PTPN13: variants seen among roughly 807,000 people sequenced by gnomAD.
PTPN13 encodes protein tyrosine phosphatase non-receptor type 13.
In PTPN13, 191 loss-of-function variants were observed where a neutral mutation model predicts 284.0. The observed-to-expected ratio is 0.67, with a 90% CI of 0.60 to 0.76. The LOEUF (loss-of-function observed/expected upper bound fraction) is 0.76, where lower values mean the gene tolerates loss of function less well. Among genes scored for constraint, PTPN13 ranks in the 30% least tolerant of loss-of-function variants. The probability of loss-of-function intolerance (pLI) is 0.00; values close to 1 mark genes in which losing one functional copy is unlikely to be tolerated. For missense variants in PTPN13, 2,797 were observed against 2,939.9 expected, an observed-to-expected ratio of 0.95 and a Z score of 1.12; for synonymous variants, 986 against 1,022.3, an observed-to-expected ratio of 0.96 and a Z score of 0.68.
chr4:86,732,703 G>T lies in PTPN13; in HGVS notation c.1795G>T (p.Asp599Tyr), dbSNP rs61757790. The T allele has an allele frequency of 1.1e-3, 1,712 of 1,613,514 alleles. No homozygotes were observed. The highest frequency in any genetic ancestry group is 1.3e-3 in the Non-Finnish European group (1,589 of 1,179,702). Reference protein sequence around the residue: ...DTKTICKDVFDMVVAHIGLVE... With the variant: ...DTKTICKDVFYMVVAHIGLVE... ...CAAAACTATATGTAAAGATGTGTTT[G>T]ATATGGTTGTGGCACATATTGGCTT... Residue 599 changes from aspartate (D) to tyrosine (Y), a missense_variant, in exon 12 of 48, where the codon GAT (aspartate) becomes TAT (tyrosine). Physicochemically the swap from Asp to Tyr is radical, Grantham distance 160. Coordinates refer to ENST00000411767, the MANE Select transcript of PTPN13 (RefSeq NM_080683.3).
Position 86,764,569 on chromosome 4 carries a change from CTTTG to C in PTPN13, c.4018-16_4018-13del, listed in dbSNP as rs763797660. 40 of 1,382,656 alleles carry C rather than the reference CTTTG, an allele frequency of 2.9e-5. No individual in the cohort carries two copies. The highest frequency in any genetic ancestry group is 2.2e-4 in the South Asian group (13 of 58,810). The allele number at this position is 1,382,656 out of a possible 1,614,324, so 85.6% of individuals were successfully genotyped here. ...ATTCATTTTGACTCTAACAAGAAATCTTTGTTTGTTTTTCTTTGTTAAGGAATCT... is the reference window on the plus strand; with the variant it reads ...ATTCATTTTGACTCTAACAAGAAATCTTTGTTTTTCTTTGTTAAGGAATCT... On this transcript the variant is annotated intron_variant, in intron 24 of 47. Transcript: ENST00000411767.
At chr4:86,759,879 T>A (rs956777721) in intron 23 of PTPN13, among the ~76,000 whole-genome samples, 11 of 152,210 alleles carry the variant, frequency 7.2e-5, no homozygotes, top group Non-Finnish European at 2.9e-5. Context: ...GTCATTAATA[T>A]TGTTTTTCAA....
intron 39 of PTPN13, among the ~76,000 whole-genome samples, 166 bp downstream of exon 39, chr4:86,785,534 T>C (rs982191547): frequency 6.6e-6 from 1 of 152,162 alleles, no homozygotes; most frequent in Non-Finnish European, 1.5e-5. Context: ...TTTTTTATTT[T>C]CCATATTTGT....
chr4:86,718,231 A>G (rs1309507040), intron 9 of PTPN13, among the ~76,000 whole-genome samples: 1 of 152,130 alleles, frequency 6.6e-6, no homozygotes, highest in Non-Finnish European at 1.5e-5. Context: ...CTAATTCTGT[A>G]TTTCAGTTTG....
At chr4:86,789,752 G>A (rs555313998) in intron 40 of PTPN13, among the ~76,000 whole-genome samples, 1 of 151,924 alleles carries the variant, frequency 6.6e-6, no homozygotes, top group South Asian at 2.1e-4. Flanking sequence ...ACAAGAAACT[G>A]AAGGCCAATC....
intron 15 of PTPN13, among the ~76,000 whole-genome samples, chr4:86,740,049 C>A (rs1735993325): frequency 6.6e-6 from 1 of 152,202 alleles, no homozygotes; most frequent in African/African-American, 2.4e-5. Context: ...TAGACCCCTC[C>A]TGGCTGGTTT....
At chr4:86,687,793 T>C (rs1337605632) in intron 4 of PTPN13, among the ~76,000 whole-genome samples, 2 of 152,248 alleles carry the variant, frequency 1.3e-5, no homozygotes, top group African/African-American at 4.8e-5. Flanking sequence ...TATGTTCTTT[T>C]CTGATAACTG....
chr4:86,783,164 T>C (rs1578660449), intron 37 of PTPN13, among the ~76,000 whole-genome samples: 1 of 152,322 alleles, frequency 6.6e-6, no homozygotes, highest in South Asian at 2.1e-4. Context: ...TTTCATTTCA[T>C]TATGTTGTCT....
intron 2 of PTPN13, among the ~76,000 whole-genome samples, chr4:86,647,819 A>T (rs918780648): frequency 1.3e-5 from 2 of 152,216 alleles, no homozygotes; most frequent in East Asian, 3.9e-4. Context: ...TAGAGAGAAG[A>T]TGGCCATCTA....
chr4:86,632,460 T>G (rs1485561706), intron 1 of PTPN13, among the ~76,000 whole-genome samples: 3 of 152,164 alleles, frequency 2.0e-5, no homozygotes, highest in African/African-American at 7.2e-5. Context: ...CTGGCCCTTT[T>G]TCTTCGGTGT....
chr4:86,606,739 A>G (rs994150190), intron 1 of PTPN13, among the ~76,000 whole-genome samples: 15 of 151,874 alleles, frequency 9.9e-5, no homozygotes, highest in Non-Finnish European at 4.4e-5. Flanking sequence ...AAATAACATA[A>G]TGAAACTCCT....
intron 35 of PTPN13, among the ~76,000 whole-genome samples, chr4:86,779,367 A>C (rs1224466056): frequency 2.0e-5 from 3 of 151,260 alleles, no homozygotes; most frequent in Non-Finnish European, 4.4e-5. Flanking sequence ...CAGTGAGCCG[A>C]GATAGCGCCA....
At chr4:86,652,366 C>G (rs941160995) in intron 2 of PTPN13, among the ~76,000 whole-genome samples, 2 of 152,036 alleles carry the variant, frequency 1.3e-5, no homozygotes, top group African/African-American at 4.8e-5. Flanking sequence ...GAATTTTATT[C>G]TGTCAGATGA....
intron 32 of PTPN13, among the ~76,000 whole-genome samples, 153 bp from the exon 33 acceptor site, chr4:86,774,220 A>G (rs1740340842): frequency 6.6e-6 from 1 of 152,168 alleles, no homozygotes; most frequent in African/African-American, 2.4e-5. Flanking sequence ...CAGACTGTCT[A>G]GAGTCAGACA....
rs55718911 is a variant in PTPN13, at chr4:86,628,490, A to AT, written c.-5-6751dup. 7.9e-3 allele frequency among the ~76,000 whole-genome samples: 910 copies of AT among 115,598 alleles called. 6 individuals carry two copies. Among genetic ancestry groups the AT allele is most frequent in the African/African-American group, 0.029 (783 of 27,238 alleles). The allele number at this position is 115,598 out of a possible 152,430, so 75.8% of individuals were successfully genotyped here. ...AGTATTTTTCCTTAGTTTGTGGTTC[A>AT]TTTTTTTTTTTAATTTTTTTTTTTA... is the stretch of plus-strand genomic sequence containing the variant. On this transcript the variant is annotated intron_variant, in intron 1 of 47. Coordinates refer to ENST00000411767, the MANE Select transcript of PTPN13 (RefSeq NM_080683.3).
intron 1 of PTPN13, among the ~76,000 whole-genome samples, chr4:86,630,797 C>T (rs1722386610): frequency 6.6e-6 from 1 of 152,076 alleles, no homozygotes; most frequent in African/African-American, 2.4e-5. Context: ...TATTTTATCA[C>T]TTGATTGGAT....
chr4:86,626,686 A>G (rs2148684137), intron 1 of PTPN13, among the ~76,000 whole-genome samples: 1 of 152,238 alleles, frequency 6.6e-6, no homozygotes, highest in Non-Finnish European at 1.5e-5. Context: ...AGCTACTATG[A>G]AAAACAGTAA....
chr4:86,703,411 T>C (rs887711917), intron 7 of PTPN13, among the ~76,000 whole-genome samples: 12 of 151,690 alleles, frequency 7.9e-5, no homozygotes, highest in Non-Finnish European at 1.8e-4. Flanking sequence ...ATGGAAACAA[T>C]TATATAAAGA....
At chr4:86,638,828 A>G (rs2148742517) in intron 2 of PTPN13, among the ~76,000 whole-genome samples, 1 of 152,276 alleles carries the variant, frequency 6.6e-6, no homozygotes, top group East Asian at 1.9e-4. Flanking sequence ...AAATTGACAA[A>G]TGGGATCTAA....
Sources: gnomAD v4.1 joint callset for allele counts (sites outside exome capture counted in the v4.1 genomes callset) on GRCh38, gnomAD v4.1.1 for gene constraint, MANE v1.5 for transcripts, NCBI Gene and HGNC (gene_info 2026-07-23, HGNC 2026-07-21) for gene names.